The following KLHL5 variants were observed in gnomAD, a reference collection of about 807,000 sequenced individuals.
The protein encoded by KLHL5 is kelch-like protein 5.
KLHL5 carries 48 observed loss-of-function variants against 77.7 expected under a neutral mutation model. The ratio of observed to expected loss-of-function variants is 0.62; its 90% CI spans 0.49 to 0.79. The LOEUF is 0.79. KLHL5 is among the 30% of genes least tolerant of loss of function. The pLI is 0.00. For synonymous variants in KLHL5, 260 were observed against 297.0 expected, an observed-to-expected ratio of 0.88 and a Z score of 1.28; for missense variants, 723 against 859.7, an observed-to-expected ratio of 0.84 and a Z score of 1.99.
Position 39,123,591 on chromosome 4 carries a change from T to C in KLHL5, c.*2525T>C, listed in dbSNP as rs1723349645. 1.3e-5 allele frequency among the ~76,000 whole-genome samples: 2 copies of C among 152,124 alleles called. No homozygotes were observed. Among genetic ancestry groups the C allele is most frequent in the Non-Finnish European group, 2.9e-5 (2 of 68,004 alleles). On this transcript the variant is annotated 3_prime_UTR_variant, in exon 11 of 11. Transcript: ENST00000504108. Reference sequence around the variant, plus strand: ...TCGATGTAATAATATACCATATTAATAGAATGAAGGGGAAAAAACAGCATG... The same window carrying C: ...TCGATGTAATAATATACCATATTAACAGAATGAAGGGGAAAAAACAGCATG...
chr4:39,062,567 A>G lies in KLHL5; in HGVS notation c.-86A>G. 1 of 1,613,922 alleles carries G rather than the reference A, an allele frequency of 6.2e-7. No individual in the cohort carries two copies. Among genetic ancestry groups the G allele is most frequent in the South Asian group, 1.1e-5 (1 of 91,076 alleles). On this transcript the variant is annotated 5_prime_UTR_variant, in exon 1 of 11. The change creates a new upstream start codon in the 5' untranslated region. Transcript: ENST00000504108. ...ATTTTTGTTGTGTACAGCAGGGCAT[A>G]TACTTCTCTTGTCTTGGTTGGATGC...
rs1434579372 is a variant in KLHL5, at chr4:39,121,577, A to G, written c.*511A>G. ...GTTTTTTCAGAAACATCTGCATTAT[A>G]TGTGTGTTGGTTGTGGATTTTGTTT... On this transcript the variant is annotated 3_prime_UTR_variant, in exon 11 of 11. Coordinates refer to ENST00000504108, the MANE Select transcript of KLHL5 (RefSeq NM_015990.5). 2.0e-5 allele frequency: 3 copies of G among 153,204 alleles called. No homozygotes were observed. Among genetic ancestry groups the G allele is most frequent in the Non-Finnish European group, 4.4e-5 (3 of 68,518 alleles). 9.5% of individuals were successfully genotyped at this position (153,204 alleles called of 1,614,324 possible).
At chr4:39,071,098 G>A (rs1219048601) in intron 1 of KLHL5, among the ~76,000 whole-genome samples, 1 of 151,906 alleles carries the variant, frequency 6.6e-6, no homozygotes. Context: ...TTGTACAATG[G>A]TGTCTATATC....
rs1046655 is a variant in KLHL5, at chr4:39,126,127, G to A, written c.*5061G>A. Among the ~76,000 whole-genome samples the A allele has an allele frequency of 0.53, 79,826 of 151,984 alleles. 21,556 individuals carry two copies. The highest frequency in any genetic ancestry group is 0.59 in the Non-Finnish European group (40,420 of 67,954). On this transcript the variant is annotated 3_prime_UTR_variant, in exon 11 of 11. Coordinates refer to ENST00000504108, the MANE Select transcript of KLHL5 (RefSeq NM_015990.5). ...GGCAGGCATTCCACAAATGTTTTCT[G>A]AAAGTTGAAATAGACATCTTTTCAT... is the stretch of plus-strand genomic sequence containing the variant.
At chr4:39,131,840 A>G (rs1285354626), downstream of KLHL5, among the ~76,000 whole-genome samples, 1 of 151,540 alleles carries the variant, frequency 6.6e-6, no homozygotes, top group Non-Finnish European at 1.5e-5. Flanking sequence ...GTGAGCCAAG[A>G]TCACACCACT....
chr4:39,069,562 ATATAT>A (rs1560412619), intron 1 of KLHL5, among the ~76,000 whole-genome samples: 4 of 84,720 alleles, frequency 4.7e-5, no homozygotes, highest in African/African-American at 1.3e-4. Flanking sequence ...ATATATATAT[ATATAT>A]AAACCATAGA....
In KLHL5 at chr4:39,062,938, A is replaced by G; in HGVS notation, c.286A>G (p.Thr96Ala). 6.2e-7 allele frequency: 1 copy of G among 1,614,196 alleles called. No homozygotes were observed. Among genetic ancestry groups the G allele is most frequent in the Non-Finnish European group, 8.5e-7 (1 of 1,180,010 alleles). ...STSEVPAFEFTAEDCGGAHWL... is the reference protein window; with the variant it reads ...STSEVPAFEFAAEDCGGAHWL... Reference sequence around the variant, plus strand: ...CTCTGAAGTCCCTGCATTTGAGTTTACAGCAGAAGATTGTGGCGGTGCACA... The same window carrying G: ...CTCTGAAGTCCCTGCATTTGAGTTTGCAGCAGAAGATTGTGGCGGTGCACA... Residue 96 changes from threonine to alanine, a missense_variant, in exon 1 of 11, where the codon ACA (threonine) becomes GCA (alanine). Thr to Ala is a moderately conservative substitution (Grantham distance 58). Transcript: ENST00000504108.
intron 6 of KLHL5, 83 bp downstream of exon 6, chr4:39,096,961 T>G: frequency 8.7e-7 from 1 of 1,152,658 alleles, no homozygotes; most frequent in Non-Finnish European, 1.3e-6. Flanking sequence ...AAGAACTCTT[T>G]GGAGAAATGG....
At chr4:39,091,878 G>A (rs897864751) in intron 5 of KLHL5, among the ~76,000 whole-genome samples, 11 of 127,796 alleles carry the variant, frequency 8.6e-5, no homozygotes, top group East Asian at 4.8e-4. Context: ...TAGAGACAGC[G>A]TCTCACTTTG....
intron 1 of KLHL5, among the ~76,000 whole-genome samples, chr4:39,055,324 A>G (rs574255668): frequency 3.0e-4 from 45 of 152,382 alleles, no homozygotes; most frequent in East Asian, 1.2e-3. Flanking sequence ...TTAATTTACA[A>G]TCTGGCACAA....
At chr4:39,136,438 G>A in the KLHL5 span, among the ~76,000 whole-genome samples, 1 of 152,160 alleles carries the variant, frequency 6.6e-6, no homozygotes, top group Non-Finnish European at 1.5e-5. Flanking sequence ...GCGATTATAG[G>A]CGTGAGCCAC....
At chr4:39,104,342 A>G (rs1721860317) in intron 7 of KLHL5, among the ~76,000 whole-genome samples, 1 of 152,226 alleles carries the variant, frequency 6.6e-6, no homozygotes, top group South Asian at 2.1e-4. Context: ...CATAAAATCA[A>G]CTATTATATA....
At chr4:39,087,533 T>G (rs2109412788) in intron 5 of KLHL5, among the ~76,000 whole-genome samples, 1 of 152,304 alleles carries the variant, frequency 6.6e-6, no homozygotes, top group South Asian at 2.1e-4. Context: ...CCTCACAGGA[T>G]TATTATAAGG....
chr4:39,080,569 A>G (rs928983315), intron 2 of KLHL5, among the ~76,000 whole-genome samples: 4 of 149,326 alleles, frequency 2.7e-5, no homozygotes, highest in African/African-American at 1.0e-4. Context: ...ATGACCATTA[A>G]AAACTTAGAG....
At chr4:39,103,239 A>C in intron 6 of KLHL5, 48 bp from the exon 7 acceptor site, 1 of 1,300,352 alleles carries the variant, frequency 7.7e-7, no homozygotes, top group Non-Finnish European at 1.1e-6. Flanking sequence ...AAAATTACCA[A>C]TCATGGTATA....
intron 8 of KLHL5, among the ~76,000 whole-genome samples, chr4:39,108,624 A>C (rs1199546967): frequency 6.6e-6 from 1 of 152,126 alleles, no homozygotes; most frequent in Non-Finnish European, 1.5e-5. Flanking sequence ...ATCACTTTTT[A>C]GATGTTTTTT....
At chr4:39,134,347 A>C in the KLHL5 span, among the ~76,000 whole-genome samples, 8 of 152,270 alleles carry the variant, frequency 5.3e-5, no homozygotes, top group Admixed American at 2.6e-4. Flanking sequence ...CACTGTACTA[A>C]GTAAGCATTT....
intron 6 of KLHL5, among the ~76,000 whole-genome samples, chr4:39,097,775 G>A (rs28550476): frequency 0.03 from 4,575 of 152,136 alleles, 244 homozygotes; most frequent in African/African-American, 0.1. Context: ...TGTAAAGGAC[G>A]TAACTGAGAC....
chr4:39,077,186 C>T (rs1234312983), intron 2 of KLHL5, among the ~76,000 whole-genome samples: 2 of 151,978 alleles, frequency 1.3e-5, no homozygotes, highest in Non-Finnish European at 2.9e-5. Flanking sequence ...TGGCCGGGCG[C>T]GGTGGCTCAT....
Sources: gnomAD v4.1 joint callset for allele counts (sites outside exome capture counted in the v4.1 genomes callset) on GRCh38, gnomAD v4.1.1 for gene constraint, MANE v1.5 for transcripts, NCBI Gene and HGNC (gene_info 2026-07-23, HGNC 2026-07-21) for gene names.